The following LRRFIP2 variants were observed in gnomAD, a reference collection of about 807,000 sequenced individuals.
The protein encoded by LRRFIP2 is LRR binding FLII interacting protein 2, also known as leucine-rich repeat flightless-interacting protein 2.
LRRFIP2 carries 109 observed loss-of-function variants against 125.9 expected under a neutral mutation model. The ratio of observed to expected loss-of-function variants is 0.87; its 90% CI spans 0.74 to 1.01. The LOEUF (loss-of-function observed/expected upper bound fraction) is 1.01. LRRFIP2 is among the 50% of genes least tolerant of loss of function. LRRFIP2 has a pLI of 0.00. For missense variants in LRRFIP2, 850 were observed against 862.3 expected, an observed-to-expected ratio of 0.99 and a Z score of 0.18; for synonymous variants, 291 against 293.1, an observed-to-expected ratio of 0.99 and a Z score of 0.07.
chr3:37,169,565 T>C (rs2096556917), intron 1 of LRRFIP2, among the ~76,000 whole-genome samples: 1 of 152,236 alleles, frequency 6.6e-6, no homozygotes, highest in African/African-American at 2.4e-5. Flanking sequence ...AAATAAATAT[T>C]TTAACATCCT....
intron 19 of LRRFIP2, 96 bp from the exon 20 acceptor site, chr3:37,075,212 A>G: frequency 1.6e-6 from 1 of 643,412 alleles, no homozygotes; most frequent in Non-Finnish European, 2.7e-6. Context: ...TGACCTCCAG[A>G]AACATGCCCA....
intron 18 of LRRFIP2, among the ~76,000 whole-genome samples, chr3:37,091,260 C>T (rs1375153562): frequency 6.6e-6 from 1 of 151,936 alleles, no homozygotes; most frequent in African/African-American, 2.4e-5. Context: ...ATATCTTCTG[C>T]GGAATATTCA....
At position 37,053,969 on chromosome 3, in the gene LRRFIP2, C is replaced by G; in HGVS notation, c.2056-8G>C. 6.6e-7 allele frequency: 1 copy of G among 1,506,036 alleles called. No individual in the cohort carries two copies. The highest frequency in any genetic ancestry group is 9.2e-7 in the Non-Finnish European group (1 of 1,081,358). 93.3% of individuals were successfully genotyped at this position (1,506,036 alleles called of 1,614,324 possible). On this transcript the variant is annotated splice_region_variant and splice_polypyrimidine_tract_variant and intron_variant, in intron 27 of 27. Coordinates refer to ENST00000336686, the MANE Select transcript of LRRFIP2 (RefSeq NM_006309.4). ...GTCCAGTGCTGTTCGTAACTGGAGA[C>G]AGGGAGAATGCAGTCACTACATGTG...
chr3:37,167,143 G>A (rs1030141054), intron 1 of LRRFIP2, among the ~76,000 whole-genome samples: 11 of 149,318 alleles, frequency 7.4e-5, no homozygotes, highest in African/African-American at 2.7e-4. Context: ...GCTGCAGTGA[G>A]GCATGATTGT....
At chr3:37,139,389 T>A (rs1411853854) in intron 2 of LRRFIP2, among the ~76,000 whole-genome samples, 1 of 152,220 alleles carries the variant, frequency 6.6e-6, no homozygotes, top group African/African-American at 2.4e-5. Context: ...GAATTATCAA[T>A]GGAAAAAGTT....
chr3:37,147,841 T>G (rs1177622593), intron 2 of LRRFIP2, among the ~76,000 whole-genome samples: 3 of 152,204 alleles, frequency 2.0e-5, no homozygotes, highest in Non-Finnish European at 4.4e-5. Context: ...CTGGCAGTCA[T>G]CTTAAATTTC....
chr3:37,155,376 G>A (rs1447417456), intron 1 of LRRFIP2, among the ~76,000 whole-genome samples: 3 of 152,132 alleles, frequency 2.0e-5, no homozygotes, highest in African/African-American at 7.2e-5. Flanking sequence ...CCTCCAGCAT[G>A]CACTGTCTAA....
At chr3:37,164,383 G>A (rs763313387) in intron 1 of LRRFIP2, among the ~76,000 whole-genome samples, 21 of 152,158 alleles carry the variant, frequency 1.4e-4, no homozygotes, top group Non-Finnish European at 2.8e-4. Context: ...CCCACCATCC[G>A]AAGATACTCC....
In LRRFIP2 at chr3:37,063,770, G is replaced by T; in HGVS notation, c.1721C>A (p.Ala574Asp). The change falls in exon 24 of 28, where the codon GCT becomes GAT. Residue 574 changes from alanine to aspartate, a missense_variant. By Grantham distance (126) the Ala-to-Asp change is moderately radical. Transcript: ENST00000336686. The stretch of plus-strand genomic sequence containing the variant: ...TGACAGTAGTTCTTCCTTCTCTCCA[G>T]CAAGTTTTCGTAGCCTTACATCTAA... Reference protein sequence around the residue: ...GPLDVRLRKLAGEKEELLSQI... With the variant: ...GPLDVRLRKLDGEKEELLSQI... 1 of 1,611,566 alleles carries T rather than the reference G, an allele frequency of 6.2e-7. No homozygotes were observed. Among genetic ancestry groups the T allele is most frequent in the Non-Finnish European group, 8.5e-7 (1 of 1,177,970 alleles).
intron 13 of LRRFIP2, among the ~76,000 whole-genome samples, 165 bp from the exon 14 acceptor site, chr3:37,105,688 C>T (rs1032517386): frequency 3.3e-5 from 5 of 152,064 alleles, no homozygotes; most frequent in Admixed American, 6.5e-5. Context: ...AAAGCTGGTA[C>T]AAGGCATAAT....
At chr3:37,056,961 T>C (rs936453373) in intron 25 of LRRFIP2, among the ~76,000 whole-genome samples, 3 of 152,162 alleles carry the variant, frequency 2.0e-5, no homozygotes, top group Admixed American at 2.0e-4. Flanking sequence ...AAGTCTCTTA[T>C]CTCAGTAACT....
At chr3:37,105,554 G>C (rs2094277219) in intron 13 of LRRFIP2, 31 bp from the exon 14 acceptor site, 2 of 1,571,236 alleles carry the variant, frequency 1.3e-6, no homozygotes. Flanking sequence ...TAATGAAAAA[G>C]ATGCAATTTT....
At chr3:37,074,552 G>A (rs1179653964) in intron 20 of LRRFIP2, among the ~76,000 whole-genome samples, 3 of 152,154 alleles carry the variant, frequency 2.0e-5, no homozygotes, top group Admixed American at 6.5e-5. Context: ...GAGTCCCTTC[G>A]CTTGCAGAAA....
intron 1 of LRRFIP2, among the ~76,000 whole-genome samples, chr3:37,153,216 C>T (rs2096080278): frequency 6.6e-6 from 1 of 151,940 alleles, no homozygotes; most frequent in Non-Finnish European, 1.5e-5. Flanking sequence ...GGGCAAAACC[C>T]TGTCTCTAGA....
At chr3:37,125,161 A>G (rs1232656609) in intron 4 of LRRFIP2, among the ~76,000 whole-genome samples, 1 of 152,230 alleles carries the variant, frequency 6.6e-6, no homozygotes, top group Non-Finnish European at 1.5e-5. Flanking sequence ...TGGTTCTATT[A>G]AAAGAAAACC....
intron 25 of LRRFIP2, 57 bp downstream of exon 25, chr3:37,058,733 C>G: frequency 6.3e-7 from 1 of 1,576,166 alleles, no homozygotes; most frequent in Non-Finnish European, 8.6e-7. Context: ...CTGACAAACC[C>G]ACCCCTGGGA....
intron 1 of LRRFIP2, among the ~76,000 whole-genome samples, chr3:37,164,749 T>C (rs893407215): frequency 6.6e-6 from 1 of 150,834 alleles, no homozygotes; most frequent in African/African-American, 2.4e-5. Flanking sequence ...TCCTAAAACA[T>C]GCTATTTTGT....
chr3:37,132,565 G>C (rs966538170), intron 2 of LRRFIP2, among the ~76,000 whole-genome samples: 7 of 152,150 alleles, frequency 4.6e-5, no homozygotes, highest in African/African-American at 1.7e-4. Context: ...GTGTTGAAGA[G>C]AGGCCATTAA....
chr3:37,088,838 TA>T (rs1016189550), intron 18 of LRRFIP2, among the ~76,000 whole-genome samples: 1 of 151,858 alleles, frequency 6.6e-6, no homozygotes, highest in South Asian at 2.1e-4. Context: ...ATTTTAATTT[TA>T]AAAAAAGTAC....
Sources: gnomAD v4.1 joint callset for allele counts (sites outside exome capture counted in the v4.1 genomes callset) on GRCh38, gnomAD v4.1.1 for gene constraint, MANE v1.5 for transcripts, NCBI Gene and HGNC (gene_info 2026-07-23, HGNC 2026-07-21) for gene names.